CLEC19A: variants seen among roughly 807,000 people sequenced by gnomAD.
CLEC19A encodes C-type lectin domain containing 19A.
A neutral mutation model predicts 26.1 loss-of-function variants in CLEC19A; 21 were observed. That is an observed-to-expected ratio of 0.80 (90% confidence interval 0.57 to 1.16). The LOEUF is 1.16. CLEC19A is among the 50% of genes most tolerant of loss of function. The pLI is 0.00. For synonymous variants in CLEC19A, 89 were observed against 88.6 expected (o/e 1.00, Z -0.03); for missense variants, 224 against 227.6 (o/e 0.98, Z 0.10).
chr16:19,301,623 G>A (rs1176658996), intron 2 of CLEC19A, among the ~76,000 whole-genome samples: 2 of 151,916 alleles, frequency 1.3e-5, no homozygotes, highest in Non-Finnish European at 2.9e-5. Flanking sequence ...GAGTGCAGTG[G>A]CGTGATCTCG....
At chr16:19,299,607 C>T (rs1169969720) in intron 2 of CLEC19A, among the ~76,000 whole-genome samples, 1 of 152,214 alleles carries the variant, frequency 6.6e-6, no homozygotes, top group African/African-American at 2.4e-5. Flanking sequence ...GCTGGGAATT[C>T]CATCCCTATC....
intron 1 of CLEC19A, among the ~76,000 whole-genome samples, chr16:19,286,854 G>A (rs552722139): frequency 6.6e-6 from 1 of 152,272 alleles, no homozygotes; most frequent in Non-Finnish European, 1.5e-5. Flanking sequence ...GATAGTGTTA[G>A]AGTGACTTTA....
intron 3 of CLEC19A, among the ~76,000 whole-genome samples, chr16:19,306,881 G>A (rs1897968142): frequency 6.6e-6 from 1 of 152,156 alleles, no homozygotes; most frequent in East Asian, 1.9e-4. Context: ...CATGACGTAG[G>A]CTCCATAATT....
chr16:19,294,332 G>A (rs1281474775), intron 1 of CLEC19A, among the ~76,000 whole-genome samples: 2 of 152,160 alleles, frequency 1.3e-5, no homozygotes, highest in East Asian at 3.9e-4. Context: ...GTGCCCAGGG[G>A]CCAGAAACCA....
intron 2 of CLEC19A, among the ~76,000 whole-genome samples, chr16:19,301,883 G>C (rs1009041711): frequency 6.6e-6 from 1 of 151,652 alleles, no homozygotes; most frequent in East Asian, 1.9e-4. Context: ...GAGCCACCGC[G>C]CCCGGCCTCA....
chr16:19,287,215 G>A (rs1187995844), intron 1 of CLEC19A, among the ~76,000 whole-genome samples: 1 of 152,142 alleles, frequency 6.6e-6, no homozygotes, highest in Admixed American at 6.6e-5. Flanking sequence ...AGGCTGGGAA[G>A]TTCAAGATCA....
intron 3 of CLEC19A, chr16:19,304,918 C>T (rs553516742): frequency 6.6e-6 from 1 of 152,536 alleles, no homozygotes; most frequent in East Asian, 1.9e-4. Context: ...TTGGCTAGGC[C>T]AATGGGGAGT....
intron 1 of CLEC19A, among the ~76,000 whole-genome samples, chr16:19,295,288 C>T (rs555110179): frequency 5.3e-5 from 8 of 152,198 alleles, no homozygotes; most frequent in African/African-American, 1.9e-4. Flanking sequence ...TGGCTCATTG[C>T]AATTTCGATC....
chr16:19,308,610 C>T (rs1027954469), intron 4 of CLEC19A, among the ~76,000 whole-genome samples: 1 of 152,202 alleles, frequency 6.6e-6, no homozygotes, highest in Admixed American at 6.5e-5. Context: ...ACACAGCAAG[C>T]TAAGTAGTGG....
chr16:19,307,150 G>T (rs1186068614), intron 3 of CLEC19A, among the ~76,000 whole-genome samples: 2 of 152,154 alleles, frequency 1.3e-5, no homozygotes, highest in Non-Finnish European at 2.9e-5. Flanking sequence ...AGTAGTTAGG[G>T]GTCTTGGGTA....
rs1257563597 is a variant in CLEC19A, at chr16:19,285,950, G to A, written c.88+11G>A. 1.3e-6 allele frequency: 2 copies of A among 1,549,840 alleles called. No individual in the cohort carries two copies. Among genetic ancestry groups the A allele is most frequent in the Non-Finnish European group, 8.7e-7 (1 of 1,146,408 alleles). ...TCAGTATCAGTCCAGGTAAGTGCAG[G>A]GACCAGGGCTGGGAGCAGGTGGAGA... On this transcript the variant is annotated intron_variant, in intron 1 of 4. Coordinates refer to ENST00000636231, the MANE Select transcript of CLEC19A (RefSeq NM_001256720.2).
intron 3 of CLEC19A, 83 bp from the exon 4 acceptor site, chr16:19,307,462 C>T (rs1597090280): frequency 1.1e-5 from 16 of 1,486,200 alleles, no homozygotes; most frequent in East Asian, 4.9e-5. Flanking sequence ...GTTGCTAAGA[C>T]GTCTGAGCTG....
intron 4 of CLEC19A, among the ~76,000 whole-genome samples, chr16:19,308,294 C>G (rs953450915): frequency 3.9e-5 from 6 of 152,172 alleles, no homozygotes; most frequent in Non-Finnish European, 7.3e-5. Flanking sequence ...CGGGAGTTGA[C>G]TGCCCTTGTG....
chr16:19,288,132 G>A (rs1457356300), intron 1 of CLEC19A, among the ~76,000 whole-genome samples: 1 of 152,140 alleles, frequency 6.6e-6, no homozygotes, highest in Non-Finnish European at 1.5e-5. Context: ...GAGGCCAATT[G>A]AGCCAACCAT....
At chr16:19,302,005 A>G (rs1054165925) in intron 2 of CLEC19A, among the ~76,000 whole-genome samples, 2 of 151,840 alleles carry the variant, frequency 1.3e-5, no homozygotes, top group Admixed American at 1.3e-4. Flanking sequence ...ATTATTAGTT[A>G]TAATAAACTA....
chr16:19,305,924 A>C (rs1033692011), intron 3 of CLEC19A, among the ~76,000 whole-genome samples: 6 of 151,690 alleles, frequency 4.0e-5, no homozygotes, highest in Admixed American at 6.6e-5. Flanking sequence ...GCTCGCTGCA[A>C]CCTCCACCTC....
intron 4 of CLEC19A, among the ~76,000 whole-genome samples, chr16:19,307,901 TA>T (rs1045092320): frequency 2.6e-5 from 4 of 152,142 alleles, no homozygotes; most frequent in Non-Finnish European, 4.4e-5. Context: ...GGTTGACACA[TA>T]AACTCCAACT....
At chr16:19,291,208 G>A (rs979923567) in intron 1 of CLEC19A, among the ~76,000 whole-genome samples, 1 of 152,216 alleles carries the variant, frequency 6.6e-6, no homozygotes, top group African/African-American at 2.4e-5. Flanking sequence ...AGGCGCATCT[G>A]TGTAGTATAC....
Position 19,307,646 on chromosome 16 carries a change from C to G in CLEC19A, c.450C>G (p.Asp150Glu). The G allele has an allele frequency of 2.6e-6, 4 of 1,548,340 alleles. No individual in the cohort carries two copies. The highest frequency in any genetic ancestry group is 3.5e-6 in the Non-Finnish European group (4 of 1,146,828). ...DGVHADPEEEDCVQIWYRPTS... is the reference protein window; with the variant it reads ...DGVHADPEEEECVQIWYRPTS... ...TCCACGCGGACCCAGAAGAAGAGGA[C>G]TGCGTGCAGATATGGTACAGGCCTA... is the stretch of plus-strand genomic sequence containing the variant. The change falls in exon 4 of 5, where the codon GAC becomes GAG. Residue 150 changes from aspartate (D) to glutamate (E), a missense_variant. Transcript: ENST00000636231.
Sources: allele counts gnomAD v4.1 joint callset (sites outside exome capture counted in the v4.1 genomes callset), GRCh38; gene constraint gnomAD v4.1.1; transcripts MANE v1.5; gene names NCBI Gene and HGNC (gene_info 2026-07-23, HGNC 2026-07-21).